OR52N2: variants seen among roughly 807,000 people sequenced by gnomAD.
OR52N2 encodes olfactory receptor 52N2.
For synonymous variants in OR52N2, 129 were observed against 72.0 expected, an observed-to-expected ratio of 1.79 and a Z score of -4.01; for missense variants, 326 against 196.6, an observed-to-expected ratio of 1.66 and a Z score of -3.94.
chr11:5,819,931 G>A (rs554286597), intron 1 of OR52N2, among the ~76,000 whole-genome samples: 17 of 152,338 alleles, frequency 1.1e-4, no homozygotes, highest in South Asian at 4.1e-4. Context: ...GGTACAATTA[G>A]AATGGGAAGA....
At chr11:5,815,667 T>C (rs1238935102) in intron 1 of OR52N2, among the ~76,000 whole-genome samples, 1 of 152,160 alleles carries the variant, frequency 6.6e-6, no homozygotes, top group African/African-American at 2.4e-5. Flanking sequence ...AACAGTATGG[T>C]AGTTCCTCAA....
rs1364065052 is a variant in OR52N2 at position 5,809,007 on chromosome 11, C to T, written c.-102C>T. ...ATCACAATGGGTGGGTCCCGATCTC[C>T]CCTCCCTGAGACTACCGCAACGGGG... On this transcript the variant is annotated 5_prime_UTR_variant, in exon 1 of 2. Transcript: ENST00000317037. Among the ~76,000 whole-genome samples, 2 of 152,070 alleles carry T rather than the reference C, an allele frequency of 1.3e-5. No individual in the cohort carries two copies. The highest frequency in any genetic ancestry group is 3.9e-4 in the East Asian group (2 of 5,154).
chr11:5,819,320 G>A (rs1241185980), intron 1 of OR52N2, among the ~76,000 whole-genome samples: 16 of 152,098 alleles, frequency 1.1e-4, no homozygotes, highest in Admixed American at 1.0e-3. Flanking sequence ...TCAAGAAATA[G>A]CAATCCAAAG....
intron 1 of OR52N2, among the ~76,000 whole-genome samples, chr11:5,819,626 A>C (rs1439105605): frequency 6.6e-6 from 1 of 152,202 alleles, no homozygotes; most frequent in Non-Finnish European, 1.5e-5. Flanking sequence ...ATGGTATAGA[A>C]AAACATGATT....
At chr11:5,812,482 G>T (rs1177404080) in intron 1 of OR52N2, among the ~76,000 whole-genome samples, 1 of 104,348 alleles carries the variant, frequency 9.6e-6, no homozygotes, top group Non-Finnish European at 1.8e-5. Flanking sequence ...GTGACAGAGC[G>T]AGACTCCATC....
At chr11:5,814,849 G>C (rs1846389230) in intron 1 of OR52N2, among the ~76,000 whole-genome samples, 2 of 152,178 alleles carry the variant, frequency 1.3e-5, no homozygotes, top group African/African-American at 2.4e-5. Context: ...AACCAAAACA[G>C]TGTGGCACTA....
chr11:5,815,132 A>G (rs1040286522), intron 1 of OR52N2, among the ~76,000 whole-genome samples: 1 of 152,170 alleles, frequency 6.6e-6, no homozygotes, highest in African/African-American at 2.4e-5. Context: ...AAGAAAACAA[A>G]GAGAAAAAAT....
chr11:5,820,713 GGC>G lies in OR52N2; in HGVS notation c.379_380del (p.Ala127HisfsTer55). 1 of 791,446 alleles carries G rather than the reference GGC, an allele frequency of 1.3e-6. No individual in the cohort carries two copies. The highest frequency in any genetic ancestry group is 2.3e-6 in the Non-Finnish European group (1 of 428,746). The allele number at this position is 791,446 out of a possible 1,614,324, so 49.0% of individuals were successfully genotyped here. On this transcript the variant is annotated frameshift_variant, in exon 2 of 2. Coordinates refer to ENST00000317037, the MANE Select transcript of OR52N2 (RefSeq NM_001005174.3). LOFTEE classifies it low-confidence loss of function (END_TRUNC). Reference sequence around the variant, plus strand: ...TGCTCATGGCCCTGGACCGCTATGTGGCCATCTGCTACCCCTTACGCTATGCC... The same window carrying G: ...TGCTCATGGCCCTGGACCGCTATGTGCATCTGCTACCCCTTACGCTATGCC... ...LMLMALDRYV[A>X]ICYPLRYATI...
In OR52N2 at chr11:5,817,129, T is replaced by C. The variant is rs577138221; in HGVS notation, c.-54-3153T>C. 4.7e-4 allele frequency among the ~76,000 whole-genome samples: 72 copies of C among 152,258 alleles called. 3 individuals carry two copies. The South Asian group carries it at 0.014, about 29-fold the overall frequency. ...ATTTTTTAAATACTTATAAAAGAAA[T>C]TTCTGGAAATACATACATCAGACTT... On this transcript the variant is annotated intron_variant, in intron 1 of 1. Transcript: ENST00000317037.
intron 1 of OR52N2, among the ~76,000 whole-genome samples, chr11:5,814,450 T>C (rs1846386792): frequency 6.6e-6 from 1 of 151,964 alleles, no homozygotes; most frequent in African/African-American, 2.4e-5. Context: ...AAAATTATAT[T>C]TTATTTTTAA....
intron 1 of OR52N2, among the ~76,000 whole-genome samples, chr11:5,811,866 A>G (rs11039120): frequency 0.11 from 16,348 of 152,250 alleles, 1,102 homozygotes; most frequent in East Asian, 0.25. Flanking sequence ...TTGAAAGCAA[A>G]GGAATGGAAA....
intron 1 of OR52N2, among the ~76,000 whole-genome samples, chr11:5,811,009 T>G (rs1247171689): frequency 1.3e-5 from 2 of 151,574 alleles, no homozygotes; most frequent in Non-Finnish European, 2.9e-5. Flanking sequence ...AAATAATTTT[T>G]GAAAAAACTA....
chr11:5,816,227 A>G (rs1846403355), intron 1 of OR52N2, among the ~76,000 whole-genome samples: 1 of 152,146 alleles, frequency 6.6e-6, no homozygotes, highest in Non-Finnish European at 1.5e-5. Context: ...TGACAGGATG[A>G]AAAGAGTTCT....
intron 1 of OR52N2, among the ~76,000 whole-genome samples, chr11:5,818,011 T>C (rs911114180): frequency 2.6e-5 from 4 of 152,176 alleles, no homozygotes; most frequent in Non-Finnish European, 2.9e-5. Context: ...ATAGAAACAA[T>C]GTATACAACT....
intron 1 of OR52N2, among the ~76,000 whole-genome samples, chr11:5,810,473 G>C (rs1846351864): frequency 6.6e-6 from 1 of 151,974 alleles, no homozygotes; most frequent in Admixed American, 6.6e-5. Flanking sequence ...AAATAAATAA[G>C]GTAGGGGAAA....
At chr11:5,816,545 C>CTTTTTTTTTTTTTTT (rs1464421774) in intron 1 of OR52N2, among the ~76,000 whole-genome samples, 20 of 150,574 alleles carry the variant, frequency 1.3e-4, no homozygotes, top group African/African-American at 2.2e-4. Context: ...TGATCTAAAT[C>CTTTTTTTTTTTTTTT]TTCTTTTTTT....
At chr11:5,818,323 C>G (rs1846419922) in intron 1 of OR52N2, among the ~76,000 whole-genome samples, 1 of 152,300 alleles carries the variant, frequency 6.6e-6, no homozygotes, top group Non-Finnish European at 1.5e-5. Flanking sequence ...TCAAAAGCTG[C>G]TAAATATACA....
At chr11:5,809,090 G>A (rs1221531766) in intron 1 of OR52N2, among the ~76,000 whole-genome samples, 36 bp downstream of exon 1, 2 of 152,164 alleles carry the variant, frequency 1.3e-5, no homozygotes, top group Non-Finnish European at 2.9e-5. Flanking sequence ...GAAGGAGAGT[G>A]GGGATCCCAG....
intron 1 of OR52N2, among the ~76,000 whole-genome samples, chr11:5,819,472 G>C (rs947629041): frequency 6.6e-6 from 1 of 152,146 alleles, no homozygotes; most frequent in African/African-American, 2.4e-5. Flanking sequence ...TAGGGAACTT[G>C]TGAAAAGATA....
Sources: gnomAD v4.1 joint callset for allele counts (sites outside exome capture counted in the v4.1 genomes callset) on GRCh38, gnomAD v4.1.1 for gene constraint, MANE v1.5 for transcripts, NCBI Gene and HGNC (gene_info 2026-07-23, HGNC 2026-07-21) for gene names.